Variants in CCDC7 observed in about 807,000 individuals in gnomAD.
The protein encoded by CCDC7 is coiled-coil domain-containing protein 7.
A neutral mutation model predicts 196.9 loss-of-function variants in CCDC7; 183 were observed. The observed-to-expected ratio is 0.93, with a 90% CI of 0.82 to 1.05. The LOEUF is 1.05. CCDC7 is among the 50% of genes least tolerant of loss of function. CCDC7 has a pLI of 0.00. For missense variants in CCDC7, 1,540 were observed against 1,482.2 expected (o/e 1.04, Z -0.64); for synonymous variants, 525 against 484.6 (o/e 1.08, Z -1.10).
chr10:32,700,662 C>T (rs531945955), intron 24 of CCDC7, among the ~76,000 whole-genome samples: 8 of 152,198 alleles, frequency 5.3e-5, no homozygotes, highest in African/African-American at 7.2e-5. Flanking sequence ...GCCATTTTCA[C>T]GATATTGATT....
At chr10:32,870,388 G>C (rs2094384263) in intron 41 of CCDC7, among the ~76,000 whole-genome samples, 2 of 152,028 alleles carry the variant, frequency 1.3e-5, no homozygotes, top group South Asian at 4.2e-4. Context: ...CTCATGATTT[G>C]GCTCTGTTTG....
chr10:32,636,396 A>T lies in CCDC7; in HGVS notation c.2014+1238A>T, dbSNP rs556555023. Among the ~76,000 whole-genome samples the T allele has an allele frequency of 5.3e-5, 8 of 152,004 alleles. 1 individual carries two copies. In the Middle Eastern group the frequency reaches 0.02, roughly 388 times the overall value. On this transcript the variant is annotated intron_variant, in intron 20 of 41. Coordinates refer to ENST00000639629, the Ensembl canonical transcript of CCDC7. Reference sequence around the variant, plus strand: ...CCTCCCCCTACCCCCACACCACAACAGTCTCCATTGTGTGATGTTCCCCTT... The same window carrying T: ...CCTCCCCCTACCCCCACACCACAACTGTCTCCATTGTGTGATGTTCCCCTT...
upstream of CCDC7, among the ~76,000 whole-genome samples, chr10:32,449,465 C>T (rs952337738): frequency 7.2e-5 from 11 of 152,278 alleles, no homozygotes; most frequent in African/African-American, 1.2e-4. Flanking sequence ...GGATTACAGG[C>T]GTGAGCCAAT....
chr10:32,754,314 A>AATAACTG (rs1409643017), intron 28 of CCDC7, among the ~76,000 whole-genome samples: 1 of 152,192 alleles, frequency 6.6e-6, no homozygotes, highest in East Asian at 1.9e-4. Flanking sequence ...AAAATAATAA[A>AATAACTG]ATAACTGATA....
At chr10:32,766,231 G>C (rs2078274286) in intron 28 of CCDC7, among the ~76,000 whole-genome samples, 1 of 152,006 alleles carries the variant, frequency 6.6e-6, no homozygotes, top group Admixed American at 6.6e-5. Flanking sequence ...AAAAATTGTT[G>C]CATCTGGCCT....
intron 5 of CCDC7, among the ~76,000 whole-genome samples, chr10:32,466,173 T>G (rs2036727576): frequency 6.6e-6 from 1 of 152,168 alleles, no homozygotes; most frequent in South Asian, 2.1e-4. Flanking sequence ...TTACTTATCT[T>G]TAATATTTTA....
chr10:32,870,967 C>T (rs1309357500), intron 41 of CCDC7, among the ~76,000 whole-genome samples: 1 of 152,098 alleles, frequency 6.6e-6, no homozygotes, highest in African/African-American at 2.4e-5. Flanking sequence ...GGTGGATAAG[C>T]TTTTTGATGT....
intron 11 of CCDC7, among the ~76,000 whole-genome samples, chr10:32,538,868 T>C (rs559547301): frequency 7.9e-5 from 12 of 152,312 alleles, no homozygotes; most frequent in African/African-American, 2.9e-4. Flanking sequence ...TTTGATGTGC[T>C]TCTGGAAGCA....
chr10:32,712,679 C>T (rs745793251), intron 25 of CCDC7, among the ~76,000 whole-genome samples: 3 of 152,198 alleles, frequency 2.0e-5, no homozygotes, highest in Non-Finnish European at 2.9e-5. Context: ...ATAATTCTAA[C>T]TAATCCTGAT....
chr10:32,706,954 TC>T (rs963830587), intron 24 of CCDC7, among the ~76,000 whole-genome samples: 1 of 152,160 alleles, frequency 6.6e-6, no homozygotes, highest in Non-Finnish European at 1.5e-5. Context: ...GAGGGAATCC[TC>T]CCCAACTCAT....
chr10:32,453,134 T>A lies in CCDC7; in HGVS notation c.280-210T>A, dbSNP rs183498828. On this transcript the variant is annotated intron_variant, in intron 1 of 41. Coordinates refer to ENST00000639629, the Ensembl canonical transcript of CCDC7. ...GGTAGAGTCATAGAGCATCTCTCTA[T>A]TGCTAGGGAGTAGGGTTAAGGAATA... is the stretch of plus-strand genomic sequence containing the variant. Among the ~76,000 whole-genome samples, 246 of 152,258 alleles carry A rather than the reference T, an allele frequency of 1.6e-3. 1 individual carries two copies. Among genetic ancestry groups the A allele is most frequent in the Non-Finnish European group, 3.5e-4 (24 of 68,020 alleles).
At chr10:32,454,880 C>A (rs1157924303) in intron 2 of CCDC7, among the ~76,000 whole-genome samples, 1 of 152,100 alleles carries the variant, frequency 6.6e-6, no homozygotes, top group Admixed American at 6.5e-5. Context: ...CCTTTGATTT[C>A]ACAGGGAAAC....
intron 9 of CCDC7, among the ~76,000 whole-genome samples, chr10:32,494,899 G>T (rs997937044): frequency 6.6e-6 from 1 of 152,072 alleles, no homozygotes; most frequent in African/African-American, 2.4e-5. Flanking sequence ...TAATTCTTTG[G>T]GTATATACCC....
intron 18 of CCDC7, among the ~76,000 whole-genome samples, chr10:32,597,789 G>C (rs77579695): frequency 1.3e-5 from 2 of 152,142 alleles, no homozygotes; most frequent in Non-Finnish European, 2.9e-5. Flanking sequence ...GGCGGTCCAC[G>C]CCAGACCCTG....
At chr10:32,479,754 T>C (rs903866005) in intron 8 of CCDC7, among the ~76,000 whole-genome samples, 30 of 152,292 alleles carry the variant, frequency 2.0e-4, no homozygotes, top group African/African-American at 6.7e-4. Flanking sequence ...TCTTCAAGAT[T>C]TTCGAAGAAT....
chr10:32,680,549 T>C (rs755812423), intron 21 of CCDC7, among the ~76,000 whole-genome samples: 1 of 152,168 alleles, frequency 6.6e-6, no homozygotes, highest in African/African-American at 2.4e-5. Flanking sequence ...TCATTTACAT[T>C]AGCTATTTCT....
intron 28 of CCDC7, among the ~76,000 whole-genome samples, chr10:32,735,162 C>T (rs1472653466): frequency 1.3e-5 from 2 of 152,068 alleles, no homozygotes; most frequent in African/African-American, 2.4e-5. Flanking sequence ...CAACTTAGTA[C>T]CTGTTGGATA....
At chr10:32,500,862 C>T (rs909649211) in intron 9 of CCDC7, among the ~76,000 whole-genome samples, 2 of 152,200 alleles carry the variant, frequency 1.3e-5, no homozygotes, top group Non-Finnish European at 2.9e-5. Flanking sequence ...CCGGCCAACA[C>T]GGCGAAACCC....
intron 9 of CCDC7, among the ~76,000 whole-genome samples, chr10:32,517,305 G>A (rs2047173112): frequency 6.6e-6 from 1 of 151,948 alleles, no homozygotes; most frequent in South Asian, 2.1e-4. Flanking sequence ...AAGTGAAAAA[G>A]TAAGTTTGGA....
Sources: allele counts gnomAD v4.1 joint callset (sites outside exome capture counted in the v4.1 genomes callset), GRCh38; gene constraint gnomAD v4.1.1; transcripts MANE v1.5; gene names NCBI Gene and HGNC (gene_info 2026-07-23, HGNC 2026-07-21).